The following PCNT variants were observed in gnomAD, a reference collection of about 807,000 sequenced individuals.
The protein encoded by PCNT is kendrin.
A neutral mutation model predicts 380.4 loss-of-function variants in PCNT; 319 were observed. The ratio of observed to expected loss-of-function variants is 0.84; its 90% confidence interval spans 0.77 to 0.92. The LOEUF is 0.92. Among genes scored for constraint, PCNT ranks in the 40% least tolerant of loss-of-function variants. The pLI is 0.00. For missense variants in PCNT, 4,400 were observed against 4,255.3 expected (o/e 1.03, Z -0.95); for synonymous variants, 1,845 against 1,735.2 (o/e 1.06, Z -1.57).
intron 3 of PCNT, among the ~76,000 whole-genome samples, chr21:46,336,013 C>CG (rs1555946513): frequency 6.6e-6 from 1 of 150,874 alleles, no homozygotes; most frequent in Non-Finnish European, 1.5e-5. Flanking sequence ...GAGTTTTGCT[C>CG]TTGCCCAGGC....
chr21:46,327,205 C>T (rs549184062), intron 2 of PCNT, among the ~76,000 whole-genome samples: 5 of 151,652 alleles, frequency 3.3e-5, no homozygotes, highest in East Asian at 2.0e-4. Flanking sequence ...GGACTACAGG[C>T]GCCCGCCACC....
intron 6 of PCNT, among the ~76,000 whole-genome samples, chr21:46,347,837 C>A (rs1016082309): frequency 6.6e-6 from 1 of 152,202 alleles, no homozygotes; most frequent in Non-Finnish European, 1.5e-5. Context: ...GTGGCAGTTC[C>A]CTGCAGTGCA....
intron 3 of PCNT, 89 bp downstream of exon 3, chr21:46,334,857 T>C: frequency 6.3e-7 from 1 of 1,585,406 alleles, no homozygotes; most frequent in Non-Finnish European, 8.6e-7. Flanking sequence ...GGACCTTCCA[T>C]CTCTGCAGGG....
At chr21:46,355,719 TC>T in intron 12 of PCNT, 93 bp downstream of exon 12, 1 of 1,278,324 alleles carries the variant, frequency 7.8e-7, no homozygotes, top group Non-Finnish European at 1.1e-6. Context: ...ATCCAAGTCC[TC>T]CGTGAAGCAG....
intron 21 of PCNT, among the ~76,000 whole-genome samples, chr21:46,395,017 C>T (rs1321595130): frequency 1.3e-5 from 2 of 152,224 alleles, no homozygotes; most frequent in Non-Finnish European, 2.9e-5. Flanking sequence ...AAGCACAGCC[C>T]AGGTCGTGTC....
chr21:46,353,965 T>C, intron 10 of PCNT, 22 bp from the exon 11 acceptor site: 1 of 1,605,954 alleles, frequency 6.2e-7, no homozygotes, highest in South Asian at 1.1e-5. Flanking sequence ...TGTAAAGCTT[T>C]TATAAAATGT....
In PCNT at chr21:46,416,611, G is replaced by A; in HGVS notation, c.6693G>A (p.Arg2231=). ...LSSWSSPEVL[R]KDWTLEPWPS... is the part of the protein sequence containing the mutation. ...CCTGGAGCTCCCCTGAGGTCCTCAG[G>A]AAGGACTGGACCCTGGAGCCCTGGC... Residue 2231 remains arginine, a synonymous_variant, in exon 30 of 47, where the codon AGG becomes AGA. Transcript: ENST00000359568. 1.3e-6 allele frequency: 2 copies of A among 1,595,170 alleles called. No individual in the cohort carries two copies. Among genetic ancestry groups the A allele is most frequent in the South Asian group, 2.3e-5 (2 of 87,544 alleles).
Position 46,334,378 on chromosome 21 carries a change from C to T in PCNT, c.268-19C>T. On this transcript the variant is annotated intron_variant, in intron 2 of 46. Coordinates refer to ENST00000359568, the MANE Select transcript of PCNT (RefSeq NM_006031.6). The stretch of plus-strand genomic sequence containing the variant: ...TAGACCTTGCTTTAAATGCTTCTTT[C>T]TGGTCCTCCCCTTCTTAGCCGGAGG... 1.2e-6 allele frequency: 2 copies of T among 1,614,094 alleles called. No individual in the cohort carries two copies. The highest frequency in any genetic ancestry group is 3.3e-4 in the Middle Eastern group (2 of 6,032).
rs577242774 is a variant in PCNT at position 46,401,783 on chromosome 21, G to A, written c.4962+62G>A. ...GGGTCAGTGTCCAGTGGGCTTCTCT[G>A]TGGCAGATCCGATGTCCAGATAACA... On this transcript the variant is annotated intron_variant, in intron 26 of 46. Coordinates refer to ENST00000359568, the MANE Select transcript of PCNT (RefSeq NM_006031.6). 6 of 1,512,606 alleles carry A rather than the reference G, an allele frequency of 4.0e-6. No homozygotes were observed. In the South Asian group the frequency reaches 4.5e-5, roughly 11 times the overall value. The allele number at this position is 1,512,606 out of a possible 1,614,324, so 93.7% of individuals were successfully genotyped here. A position where few individuals can be genotyped will look rare whatever the true frequency, so the allele number is the denominator to read the frequency against.
intron 27 of PCNT, among the ~76,000 whole-genome samples, chr21:46,403,562 G>T (rs2086513905): frequency 7.7e-6 from 1 of 130,092 alleles, no homozygotes; most frequent in Non-Finnish European, 1.7e-5. Context: ...AATTGTGTGT[G>T]TGTGGTGCCC....
rs1490384342 is a variant in PCNT, at chr21:46,436,168, G to A, written c.8996+20G>A. 8 of 1,602,014 alleles carry A rather than the reference G, an allele frequency of 5.0e-6. No homozygotes were observed. The highest frequency in any genetic ancestry group is 4.2e-6 in the Non-Finnish European group (5 of 1,179,664). The stretch of plus-strand genomic sequence containing the variant: ...GGACAGGTGTGCACCCACGCCACCT[G>A]GCGCTCACTGGTCCCTTGCAGCCAC... On this transcript the variant is annotated intron_variant, in intron 39 of 46. Coordinates refer to ENST00000359568, the MANE Select transcript of PCNT (RefSeq NM_006031.6).
chr21:46,388,887 G>T lies in PCNT; in HGVS notation c.3607+3G>T. 1 of 1,595,742 alleles carries T rather than the reference G, an allele frequency of 6.3e-7. No homozygotes were observed. Among genetic ancestry groups the T allele is most frequent in the East Asian group, 2.2e-5 (1 of 44,552 alleles). ...CGCAGGCCTGGCCCTGTCGACAGGT[G>T]AGTGTGCCGGGACCAGCTGCCCAGC... On this transcript the variant is annotated splice_donor_region_variant and intron_variant, in intron 18 of 46. Transcript: ENST00000359568. The surrounding 1 kb of genome is among the most constrained non-coding windows in gnomAD (Gnocchi z 4.2).
At chr21:46,362,357 G>A (rs781005774) in intron 13 of PCNT, among the ~76,000 whole-genome samples, 14 of 152,156 alleles carry the variant, frequency 9.2e-5, no homozygotes, top group Non-Finnish European at 1.3e-4. Context: ...AAAGAGAATG[G>A]CTCAGTGCTG....
Position 46,411,845 on chromosome 21 carries a change from G to T in PCNT, c.5772G>T (p.Ala1924=). The T allele has an allele frequency of 6.4e-7, 1 of 1,559,472 alleles. No individual in the cohort carries two copies. The highest frequency in any genetic ancestry group is 1.1e-5 in the South Asian group (1 of 87,846). ...CTCCCGAGCTGCAGTGGCTCCGAGC[G>T]CAGTGTGCCCGCCTCAGCCGCCAGC... ...AAPPELQWLR[A]QCARLSRQLQ... Residue 1924 remains alanine, a synonymous_variant, in exon 28 of 47, where the codon GCG becomes GCT. Coordinates refer to ENST00000359568, the MANE Select transcript of PCNT (RefSeq NM_006031.6).
rs1203954196 is a variant in PCNT, at chr21:46,363,907, C to A, written c.2582C>A (p.Ala861Asp). 3 of 1,610,650 alleles carry A rather than the reference C, an allele frequency of 1.9e-6. No homozygotes were observed. The highest frequency in any genetic ancestry group is 2.5e-6 in the Non-Finnish European group (3 of 1,179,842). The change falls in exon 14 of 47, where the codon GCC (alanine) becomes GAC (aspartate). Residue 861 changes from alanine to aspartate, a missense_variant. Physicochemically the swap from Ala to Asp is moderately radical, Grantham distance 126 (BLOSUM62 -2). Transcript: ENST00000359568. ...GCGCTCCACGTGAAGGAAGACTGCGCCCTGCAGCTGATGCTGGCCCGGAGC... is the reference window on the plus strand; with the variant it reads ...GCGCTCCACGTGAAGGAAGACTGCGACCTGCAGCTGATGCTGGCCCGGAGC... ...LAALHVKEDC[A>D]LQLMLARSRF...
At chr21:46,418,600 T>C (rs2087122652) in intron 31 of PCNT, among the ~76,000 whole-genome samples, 2 of 152,234 alleles carry the variant, frequency 1.3e-5, no homozygotes, top group South Asian at 4.1e-4. Flanking sequence ...GATTCACCCA[T>C]TGTCCCAGTA....
chr21:46,374,525 C>T (rs1340706851), intron 15 of PCNT, among the ~76,000 whole-genome samples: 1 of 152,218 alleles, frequency 6.6e-6, no homozygotes, highest in Non-Finnish European at 1.5e-5. Context: ...TCCTGGTCTC[C>T]TGGTCTTTCC....
In PCNT at chr21:46,430,202, G is replaced by T. The variant is rs779944578; in HGVS notation, c.7883G>T (p.Cys2628Phe). 2.7e-5 allele frequency: 43 copies of T among 1,613,772 alleles called. No homozygotes were observed. The highest frequency in any genetic ancestry group is 1.3e-4 in the African/African-American group (10 of 74,924). ...AGCGAACAGCTGTCCCGGTCCCTCT[G>T]CGAGGTGCAGCAGGAGGTCCTCCAG... ...QKSEQLSRSL[C>F]EVQQEVLQLR... Residue 2628 changes from cysteine (C) to phenylalanine (F), a missense_variant, in exon 36 of 47, where the codon TGC becomes TTC. Transcript: ENST00000359568.
chr21:46,421,694 C>CAG (rs1290042932), intron 31 of PCNT, among the ~76,000 whole-genome samples: 2 of 152,208 alleles, frequency 1.3e-5, no homozygotes, highest in East Asian at 3.9e-4. Context: ...GAGAAGTGAG[C>CAG]AGAGGTCCCC....
Sources: allele counts gnomAD v4.1 joint callset (sites outside exome capture counted in the v4.1 genomes callset), GRCh38; gene constraint gnomAD v4.1.1; non-coding constraint Gnocchi (gnomAD v3.1); transcripts MANE v1.5; gene names NCBI Gene and HGNC (gene_info 2026-07-23, HGNC 2026-07-21).